MTO1: variants seen among roughly 807,000 people sequenced by gnomAD.
MTO1 encodes the protein mitochondrial tRNA translation optimization 1.
A neutral mutation model predicts 71.6 loss-of-function variants in MTO1; 46 were observed. The ratio of observed to expected loss-of-function variants is 0.64; its 90% CI spans 0.51 to 0.82. The LOEUF (loss-of-function observed/expected upper bound fraction) is 0.82. Ranked by LOEUF, MTO1 falls within the 40% of genes least tolerant of loss-of-function variation. The pLI, the probability that MTO1 is intolerant of heterozygous loss-of-function variation, is 0.00. For synonymous variants in MTO1, 297 were observed against 312.1 expected, an observed-to-expected ratio of 0.95 and a Z score of 0.51; for missense variants, 773 against 867.5, an observed-to-expected ratio of 0.89 and a Z score of 1.37.
intron 9 of MTO1, among the ~76,000 whole-genome samples, chr6:73,489,961 A>AT (rs1282638872): frequency 3.9e-5 from 6 of 152,182 alleles, no homozygotes; most frequent in Non-Finnish European, 7.4e-5. Flanking sequence ...TTGTTTCCTG[A>AT]TTTTTTAATG....
At chr6:73,481,384 ATAT>A (rs1561946555) in intron 7 of MTO1, among the ~76,000 whole-genome samples, 1 of 152,248 alleles carries the variant, frequency 6.6e-6, no homozygotes, top group African/African-American at 2.4e-5. Flanking sequence ...AGAAATTATT[ATAT>A]TATTATTCCT....
At chr6:73,478,484 T>C (rs1434747574) in intron 4 of MTO1, among the ~76,000 whole-genome samples, 2 of 152,172 alleles carry the variant, frequency 1.3e-5, no homozygotes, top group Admixed American at 1.3e-4. Flanking sequence ...TCAAATATTC[T>C]GTTACTTTGA....
intron 1 of MTO1, among the ~76,000 whole-genome samples, chr6:73,465,688 A>T (rs984202938): frequency 6.6e-6 from 1 of 152,026 alleles, no homozygotes; most frequent in Non-Finnish European, 1.5e-5. Flanking sequence ...CAAGGAAGAG[A>T]TTCAAAAGAA....
intron 9 of MTO1, among the ~76,000 whole-genome samples, chr6:73,485,583 C>T (rs542957100): frequency 5.1e-4 from 77 of 152,206 alleles, no homozygotes; most frequent in African/African-American, 1.8e-3. Flanking sequence ...GGCCTACAGG[C>T]GCTTGCCACC....
intron 3 of MTO1, among the ~76,000 whole-genome samples, chr6:73,467,846 G>A (rs960356396): frequency 8.6e-5 from 13 of 151,508 alleles, no homozygotes; most frequent in Admixed American, 2.6e-4. Flanking sequence ...TTTTTGAGAC[G>A]GAGTCTCACT....
At position 73,466,269 on chromosome 6, in the gene MTO1, T is replaced by C. The variant is rs939518373; in HGVS notation, c.278T>C (p.Val93Ala). The C allele has an allele frequency of 4.3e-6, 7 of 1,613,984 alleles. No individual in the cohort carries two copies. The highest frequency in any genetic ancestry group is 4.0e-5 in the African/African-American group (3 of 74,932). Reference sequence around the variant, plus strand: ...GGAAAGGGACATTTAATGAGGGAAGTAGATGCCTTGGATGGCCTGTGTTCT... The same window carrying C: ...GGAAAGGGACATTTAATGAGGGAAGCAGATGCCTTGGATGGCCTGTGTTCT... ...GIGKGHLMREVDALDGLCSRI... is the reference protein window; with the variant it reads ...GIGKGHLMREADALDGLCSRI... The change falls in exon 2 of 12, where the codon GTA (valine) becomes GCA (alanine). Residue 93 changes from valine (V) to alanine (A), a missense_variant. Transcript: ENST00000498286.
chr6:73,476,036 T>C (rs547340714), intron 4 of MTO1, among the ~76,000 whole-genome samples: 1 of 152,162 alleles, frequency 6.6e-6, no homozygotes, highest in African/African-American at 2.4e-5. Context: ...ATTTCAGACA[T>C]AGCAGAGCAA....
chr6:73,465,075 T>A (rs566559207), intron 1 of MTO1, among the ~76,000 whole-genome samples: 61 of 152,208 alleles, frequency 4.0e-4, no homozygotes, highest in Middle Eastern at 3.4e-3. Flanking sequence ...GCAAAGTAAG[T>A]GCAAAAAGGA....
intron 1 of MTO1, among the ~76,000 whole-genome samples, 155 bp from the exon 2 acceptor site, chr6:73,466,054 G>C (rs1770975781): frequency 6.6e-6 from 1 of 152,098 alleles, no homozygotes; most frequent in African/African-American, 2.4e-5. Flanking sequence ...GCATCCCATT[G>C]GGTCTTTGGG....
chr6:73,497,063 A>G (rs1772000961), intron 10 of MTO1, among the ~76,000 whole-genome samples: 1 of 151,668 alleles, frequency 6.6e-6, no homozygotes, highest in African/African-American at 2.4e-5. Context: ...AAAAAAAGAG[A>G]GAAATAGCTT....
intron 6 of MTO1, 116 bp downstream of exon 6, chr6:73,480,242 C>T: frequency 1.0e-6 from 1 of 997,132 alleles, no homozygotes; most frequent in South Asian, 1.4e-5. Context: ...AGCCCAACAC[C>T]TATACATTTT....
chr6:73,482,789 C>CTTTTTTTTTTT (rs35121302), intron 9 of MTO1, among the ~76,000 whole-genome samples, 169 bp downstream of exon 9: 75 of 92,138 alleles, frequency 8.1e-4, no homozygotes, highest in African/African-American at 1.4e-3. Flanking sequence ...TTTTTTCTTT[C>CTTTTTTTTTTT]TTTTTTTTTT....
chr6:73,481,584 A>T (rs952458336), intron 7 of MTO1, among the ~76,000 whole-genome samples: 2 of 152,038 alleles, frequency 1.3e-5, no homozygotes, highest in African/African-American at 4.8e-5. Context: ...TGAGTGATGT[A>T]GTGAGACCCC....
Position 73,480,031 on chromosome 6 carries a change from A to G in MTO1, c.1034A>G (p.Tyr345Cys). ...GAAGGAATGGATTCTGACCTTATCT[A>G]CCCACAGGGGTTATCTATGACGCTA... is the stretch of plus-strand genomic sequence containing the variant. ...EPEGMDSDLI[Y>C]PQGLSMTLPA... is the part of the protein sequence containing the mutation. The change falls in exon 6 of 12, where the codon TAC (tyrosine) becomes TGC (cysteine). Residue 345 changes from tyrosine (Y) to cysteine (C), a missense_variant. Coordinates refer to ENST00000498286, the MANE Select transcript of MTO1 (RefSeq NM_012123.4). 1 of 1,614,042 alleles carries G rather than the reference A, an allele frequency of 6.2e-7. No individual in the cohort carries two copies. The highest frequency in any genetic ancestry group is 8.5e-7 in the Non-Finnish European group (1 of 1,179,966).
At chr6:73,499,013 C>T (rs1772079416) in intron 11 of MTO1, among the ~76,000 whole-genome samples, 1 of 152,096 alleles carries the variant, frequency 6.6e-6, no homozygotes, top group South Asian at 2.1e-4. Context: ...AGGCGTGAGC[C>T]ACCGTGCCTG....
chr6:73,487,589 T>C (rs1317726844), intron 9 of MTO1: 1 of 150,760 alleles, frequency 6.6e-6, no homozygotes, highest in Non-Finnish European at 1.5e-5. Flanking sequence ...TTTTTTTTTT[T>C]AGAGACAGGA....
chr6:73,475,515 T>C (rs1337916106), intron 4 of MTO1, among the ~76,000 whole-genome samples: 3 of 151,312 alleles, frequency 2.0e-5, no homozygotes, highest in African/African-American at 7.3e-5. Context: ...TTGAACTCTT[T>C]TTTTTTTTTT....
chr6:73,504,407 A>G lies in MTO1; in HGVS notation c.*3672A>G, dbSNP rs1481413475. ...CAGCCTCCTGTGTAGGTGATAGTAC[A>G]GGCATGAGCCACCATGTGCCTGGCC... On this transcript the variant is annotated 3_prime_UTR_variant, in exon 12 of 12. Transcript: ENST00000498286. 6.6e-6 allele frequency: 1 copy of G among 152,224 alleles called. No homozygotes were observed. Among genetic ancestry groups the G allele is most frequent in the Non-Finnish European group, 1.5e-5 (1 of 68,050 alleles). The allele number at this position is 152,224 out of a possible 1,614,324, so 9.4% of individuals were successfully genotyped here. A position where few individuals can be genotyped will look rare whatever the true frequency, so the allele number is the denominator to read the frequency against.
rs1772240762 is a variant in MTO1 at position 73,504,657 on chromosome 6, C to A, written c.*3922C>A. The A allele has an allele frequency of 6.6e-6, 1 of 152,184 alleles. No homozygotes were observed. The highest frequency in any genetic ancestry group is 2.1e-4 in the South Asian group (1 of 4,832). The allele number at this position is 152,184 out of a possible 1,614,324, so 9.4% of individuals were successfully genotyped here. ...CTGTAATCCCAGCACTTTGGGAGGC[C>A]AGGCGGATCACTTGAGCTCAGCAGT... is the stretch of plus-strand genomic sequence containing the variant. On this transcript the variant is annotated 3_prime_UTR_variant, in exon 12 of 12. Coordinates refer to ENST00000498286, the MANE Select transcript of MTO1 (RefSeq NM_012123.4).
Sources: gnomAD v4.1 joint callset for allele counts (sites outside exome capture counted in the v4.1 genomes callset) on GRCh38, gnomAD v4.1.1 for gene constraint, MANE v1.5 for transcripts, NCBI Gene and HGNC (gene_info 2026-07-23, HGNC 2026-07-21) for gene names.